Variants in HPN observed in about 807,000 individuals in gnomAD.
HPN encodes serine protease hepsin.
A neutral mutation model predicts 55.9 loss-of-function variants in HPN; 13 were observed. The ratio of observed to expected loss-of-function variants is 0.23; its 90% CI spans 0.15 to 0.37. The LOEUF (loss-of-function observed/expected upper bound fraction) is 0.37, where lower values mean the gene tolerates loss of function less well. Ranked by LOEUF, HPN falls within the 10% of genes least tolerant of loss-of-function variation. HPN has a pLI of 1.00. For synonymous variants in HPN, 225 were observed against 240.3 expected, an observed-to-expected ratio of 0.94 and a Z score of 0.59; for missense variants, 451 against 575.8, an observed-to-expected ratio of 0.78 and a Z score of 2.22.
At chr19:35,045,102 G>A (rs1195631773) in intron 2 of HPN, among the ~76,000 whole-genome samples, 1 of 152,062 alleles carries the variant, frequency 6.6e-6, no homozygotes, top group Non-Finnish European at 1.5e-5. Context: ...GAGGTCCCAG[G>A]GAAAGGTATT....
intron 4 of HPN, among the ~76,000 whole-genome samples, chr19:35,056,839 G>T (rs567937056): frequency 1.3e-5 from 2 of 152,240 alleles, no homozygotes; most frequent in Admixed American, 6.5e-5. Flanking sequence ...GGAGAATTAC[G>T]CACTTTAGCA....
intron 4 of HPN, chr19:35,059,207 A>G: frequency 3.1e-6 from 1 of 320,682 alleles, no homozygotes; most frequent in South Asian, 2.5e-5. Context: ...CCCACCTGTA[A>G]TCCCAGCATT....
At chr19:35,049,438 T>C in intron 3 of HPN, 37 bp from the exon 4 acceptor site, 5 of 1,613,206 alleles carry the variant, frequency 3.1e-6, no homozygotes, top group Non-Finnish European at 4.2e-6. Context: ...CCCTGCAGCC[T>C]CCAGCCTGCC....
chr19:35,049,122 G>T, intron 2 of HPN, 168 bp from the exon 3 acceptor site: 1 of 449,320 alleles, frequency 2.2e-6, no homozygotes, highest in Non-Finnish European at 3.8e-6. Flanking sequence ...TCACACGGCA[G>T]GGGAGGAACA....
At chr19:35,052,688 G>A (rs2064417081) in intron 4 of HPN, among the ~76,000 whole-genome samples, 1 of 152,132 alleles carries the variant, frequency 6.6e-6, no homozygotes. Context: ...TCACCCTATG[G>A]TGTGTCCCTG....
Position 35,065,532 on chromosome 19 carries a change from C to T in HPN, c.908-7C>T, listed in dbSNP as rs369482778. The T allele has an allele frequency of 6.2e-7, 1 of 1,613,584 alleles. No homozygotes were observed. Among genetic ancestry groups the T allele is most frequent in the Admixed American group, 1.7e-5 (1 of 59,990 alleles). ...AGCTCTGGCCAGCCTTGCCTGCACA[C>T]CCCCAGGCCAACAGGCCGGGGTACT... is the stretch of plus-strand genomic sequence containing the variant. On this transcript the variant is annotated splice_polypyrimidine_tract_variant and splice_region_variant and intron_variant, in intron 10 of 12. Coordinates refer to ENST00000672452, the MANE Select transcript of HPN (RefSeq NM_001384133.1).
At chr19:35,042,802 T>C (rs1405459385) in intron 2 of HPN, among the ~76,000 whole-genome samples, 1 of 152,212 alleles carries the variant, frequency 6.6e-6, no homozygotes, top group African/African-American at 2.4e-5. Flanking sequence ...TCTGGACTTG[T>C]CCTCTGCTGG....
At chr19:35,058,937 C>T (rs1259675151) in intron 4 of HPN, 1 of 152,366 alleles carries the variant, frequency 6.6e-6, no homozygotes, top group African/African-American at 2.4e-5. Context: ...CACTTTTTCC[C>T]TCAAGAGGGT....
chr19:35,049,506 G>A lies in HPN; in HGVS notation c.150G>A (p.Pro50=), dbSNP rs143267301. 1.3e-5 allele frequency: 21 copies of A among 1,602,128 alleles called. No individual in the cohort carries two copies. The highest frequency in any genetic ancestry group is 1.7e-4 in the Middle Eastern group (1 of 6,012). ...TTCTCCTCAGGAGTGACCAGGAGCC[G>A]CTGTACCCAGGTGAGTGGAGCAGGC... is the stretch of plus-strand genomic sequence containing the variant. ...VAVLLRSDQE[P]LYPVQVSSAD... The change falls in exon 4 of 13, where the codon CCG becomes CCA. Residue 50 remains proline (P), a synonymous_variant. Coordinates refer to ENST00000672452, the MANE Select transcript of HPN (RefSeq NM_001384133.1).
chr19:35,048,044 G>GAA (rs2064361378), intron 2 of HPN, among the ~76,000 whole-genome samples: 1 of 49,656 alleles, frequency 2.0e-5, no homozygotes, highest in Non-Finnish European at 3.4e-5. Context: ...AAGAAAGAAA[G>GAA]AAAGAAAGAA....
chr19:35,066,170 G>A, intron 12 of HPN, 79 bp from the exon 13 acceptor site: 2 of 1,613,494 alleles, frequency 1.2e-6, no homozygotes, highest in Non-Finnish European at 8.5e-7. Context: ...GGACTTTGAA[G>A]GGTTCCTGGG....
chr19:35,054,059 G>A (rs2451996), intron 4 of HPN, among the ~76,000 whole-genome samples: 76,821 of 152,128 alleles, frequency 0.5, 21,273 homozygotes, highest in Admixed American at 0.69. Context: ...CTGGTTAGCC[G>A]TGTGCCTCTG....
At chr19:35,046,434 G>A (rs571333428) in intron 2 of HPN, among the ~76,000 whole-genome samples, 222 of 152,074 alleles carry the variant, frequency 1.5e-3, no homozygotes, top group African/African-American at 4.7e-3. Flanking sequence ...TAGTAGAGGC[G>A]GGGTTTCACC....
At chr19:35,059,613 G>A (rs1454786966) in intron 4 of HPN, 60 bp from the exon 5 acceptor site, 1 of 1,550,244 alleles carries the variant, frequency 6.5e-7, no homozygotes, top group Admixed American at 1.9e-5. Context: ...TCCGGCTGGG[G>A]AAGCATGTGG....
chr19:35,062,226 T>A (rs1455850447), intron 9 of HPN, among the ~76,000 whole-genome samples: 1 of 151,704 alleles, frequency 6.6e-6, no homozygotes, highest in Non-Finnish European at 1.5e-5. Flanking sequence ...GATTGGGAGG[T>A]GACTGGTGAA....
chr19:35,057,261 C>CACGGTTTG lies in HPN; in HGVS notation c.161-2412_161-2411insACGGTTTG, dbSNP rs557921161. ...CCAACATGGTGAAACCCCGTGTCTA[C>CACGGTTTG]TAAAAATACAAAAAATTAGCCAAGT... On this transcript the variant is annotated intron_variant, in intron 4 of 12. Transcript: ENST00000672452. Among the ~76,000 whole-genome samples the CACGGTTTG allele has an allele frequency of 4.6e-3, 697 of 152,056 alleles. 27 individuals carry two copies. In the South Asian group the frequency reaches 0.11, roughly 24 times the overall value.
In HPN at chr19:35,048,068, GAAAGAAAGAAAGAA is replaced by G. The variant is rs1568356369; in HGVS notation, c.17-1219_17-1206del. 0.011 allele frequency among the ~76,000 whole-genome samples: 661 copies of G among 62,076 alleles called. 42 individuals are homozygous for G. The South Asian group carries it at 0.17, about 16-fold the overall frequency. 40.7% of individuals were successfully genotyped at this position (62,076 alleles called of 152,430 possible). On this transcript the variant is annotated intron_variant, in intron 2 of 12. Coordinates refer to ENST00000672452, the MANE Select transcript of HPN (RefSeq NM_001384133.1). ...AGAAAGAAAGAAAGAAAGAAAGAAA[GAAAGAAAGAAAGAA>G]AAGGAAGGAAGGAAGGAAAAGAAAA...
At chr19:35,040,771 G>T (rs1039586743), upstream of HPN, among the ~76,000 whole-genome samples, 4 of 152,182 alleles carry the variant, frequency 2.6e-5, no homozygotes, top group Middle Eastern at 3.2e-3. Context: ...AGACGGGTAT[G>T]GATGGAAAGG....
rs148413093 is a variant in HPN, at chr19:35,060,663, C to T, written c.657C>T (p.Ala219=). Residue 219 remains alanine (A), a synonymous_variant, in exon 9 of 13, where the codon GCC becomes GCT. Coordinates refer to ENST00000672452, the MANE Select transcript of HPN (RefSeq NM_001384133.1). ...NRVLSRWRVF[A]GAVAQASPHG... ...TCCTGTCCCGATGGCGAGTGTTTGC[C>T]GGTGCCGTGGCCCAGGCCTCTCCCC... 285 of 1,614,006 alleles carry T rather than the reference C, an allele frequency of 1.8e-4. No homozygotes were observed. Among genetic ancestry groups the T allele is most frequent in the African/African-American group, 2.4e-4 (18 of 74,940 alleles).
Sources: allele counts gnomAD v4.1 joint callset (sites outside exome capture counted in the v4.1 genomes callset), GRCh38; gene constraint gnomAD v4.1.1; transcripts MANE v1.5; gene names NCBI Gene and HGNC (gene_info 2026-07-23, HGNC 2026-07-21).